The following RGS8 variants were observed in gnomAD, a reference collection of about 807,000 sequenced individuals.
RGS8 encodes the protein regulator of G-protein signaling 8.
A neutral mutation model predicts 21.7 loss-of-function variants in RGS8; 8 were observed. The observed-to-expected ratio is 0.37, with a 90% confidence interval of 0.22 to 0.66. The LOEUF (loss-of-function observed/expected upper bound fraction) is 0.66, where lower values mean the gene tolerates loss of function less well. Among genes scored for constraint, RGS8 ranks in the 30% least tolerant of loss-of-function variants. The pLI, the probability that RGS8 is intolerant of heterozygous loss-of-function variation, is 0.59. For synonymous variants in RGS8, 80 were observed against 83.6 expected, an observed-to-expected ratio of 0.96 and a Z score of 0.24; for missense variants, 157 against 217.9, an observed-to-expected ratio of 0.72 and a Z score of 1.76.
the RGS8 span, among the ~76,000 whole-genome samples, chr1:182,715,423 C>G: frequency 6.6e-6 from 1 of 152,160 alleles, no homozygotes; most frequent in Admixed American, 6.5e-5. Context: ...TTCTCAGGTC[C>G]TATAGGCCAT....
the RGS8 span, among the ~76,000 whole-genome samples, chr1:182,735,720 A>G: frequency 6.6e-6 from 1 of 152,224 alleles, no homozygotes; most frequent in Non-Finnish European, 1.5e-5. Context: ...GTTTGTGATT[A>G]TATTTTGCTC....
At chr1:182,745,640 C>T in the RGS8 span, among the ~76,000 whole-genome samples, 1 of 152,220 alleles carries the variant, frequency 6.6e-6, no homozygotes, top group African/African-American at 2.4e-5. Flanking sequence ...ACACTCTTCT[C>T]CAACAATCAT....
At chr1:182,733,580 T>A in the RGS8 span, among the ~76,000 whole-genome samples, 1 of 152,158 alleles carries the variant, frequency 6.6e-6, no homozygotes, top group African/African-American at 2.4e-5. Context: ...CTCACTCATA[T>A]CTCAAATCTG....
At chr1:182,720,934 T>C in the RGS8 span, among the ~76,000 whole-genome samples, 3 of 133,604 alleles carry the variant, frequency 2.2e-5, no homozygotes, top group Non-Finnish European at 4.7e-5. Context: ...TATACATATA[T>C]ACATATATAT....
At chr1:182,749,316 C>T in the RGS8 span, among the ~76,000 whole-genome samples, 22 of 152,262 alleles carry the variant, frequency 1.4e-4, no homozygotes, top group African/African-American at 5.3e-4. Flanking sequence ...ATGTGGATAT[C>T]CAGTCTTCCC....
At chr1:182,732,230 TTC>T in the RGS8 span, among the ~76,000 whole-genome samples, 4 of 137,018 alleles carry the variant, frequency 2.9e-5, no homozygotes, top group Admixed American at 7.1e-5. Context: ...CTCTCTCTCT[TTC>T]TCTCTCTCTC....
At chr1:182,648,114 G>A in intron 6 of RGS8, 23 bp downstream of exon 7, 1 of 1,580,348 alleles carries the variant, frequency 6.3e-7, no homozygotes, top group Non-Finnish European at 8.6e-7. Context: ...GGATAGACAG[G>A]ATGGTCGCCG....
At chr1:182,655,876 A>C (rs1663250793) in intron 5 of RGS8, among the ~76,000 whole-genome samples, 1 of 152,152 alleles carries the variant, frequency 6.6e-6, no homozygotes, top group Non-Finnish European at 1.5e-5. Context: ...CAGTTTATAT[A>C]CATTAACTCA....
the RGS8 span, among the ~76,000 whole-genome samples, chr1:182,741,067 G>T: frequency 6.6e-6 from 1 of 151,856 alleles, no homozygotes; most frequent in Non-Finnish European, 1.5e-5. Context: ...ATGAGCTGTT[G>T]GGTACACCTC....
rs201626419 is a variant in RGS8 at position 182,648,120 on chromosome 1, C to T, written c.360+17G>A. On this transcript the variant is annotated intron_variant, in intron 6 of 6. Coordinates refer to ENST00000483095, the Ensembl canonical transcript of RGS8. The stretch of plus-strand genomic sequence containing the variant: ...AGGAGCCATGGATAGACAGGATGGT[C>T]GCCGCTGCCAACACACCTCCCGTGG... 1.3e-5 allele frequency: 21 copies of T among 1,582,764 alleles called. No homozygotes were observed. The East Asian group carries it at 2.5e-4, about 19-fold the overall frequency.
At chr1:182,735,276 G>A in the RGS8 span, among the ~76,000 whole-genome samples, 3 of 152,030 alleles carry the variant, frequency 2.0e-5, no homozygotes, top group African/African-American at 7.3e-5. Context: ...TTATTAAATT[G>A]GTTATAGAGT....
chr1:182,691,680 G>C, the RGS8 span, among the ~76,000 whole-genome samples: 1 of 111,514 alleles, frequency 9.0e-6, no homozygotes, highest in Admixed American at 9.6e-5. Flanking sequence ...AAAATAATAA[G>C]AGCTATCTAT....
chr1:182,666,024 C>T (rs1014103150), exon 5 of RGS8: 59 of 1,613,532 alleles, frequency 3.7e-5, no homozygotes, highest in Middle Eastern at 1.6e-4. Context: ...CTTCTTCTGT[C>T]GATAATCTCC....
At chr1:182,693,591 AC>A in the RGS8 span, among the ~76,000 whole-genome samples, 20 of 152,364 alleles carry the variant, frequency 1.3e-4, no homozygotes, top group Admixed American at 1.3e-3. Flanking sequence ...AGACAGAATT[AC>A]CATTTGACCC....
chr1:182,692,675 CAAAAAAAAAA>C, the RGS8 span, among the ~76,000 whole-genome samples: 1 of 28,028 alleles, frequency 3.6e-5, no homozygotes, highest in Non-Finnish European at 7.0e-5. Flanking sequence ...CAATCCTAAG[CAAAAAAAAAA>C]AAAAAAAAAA....
downstream of RGS8, chr1:182,643,177 A>G (rs1662540770): frequency 6.6e-6 from 1 of 152,086 alleles, no homozygotes; most frequent in South Asian, 2.1e-4. Flanking sequence ...CTTTATCTCA[A>G]AGGAGAAAGT....
chr1:182,728,773 CTAAAG>C, the RGS8 span, among the ~76,000 whole-genome samples: 7 of 152,054 alleles, frequency 4.6e-5, no homozygotes, highest in African/African-American at 1.7e-4. Flanking sequence ...AGATAATAAC[CTAAAG>C]TAATCAGTCA....
At chr1:182,663,140 A>G (rs1663682691) in intron 5 of RGS8, among the ~76,000 whole-genome samples, 1 of 152,194 alleles carries the variant, frequency 6.6e-6, no homozygotes, top group African/African-American at 2.4e-5. Context: ...CAAGCTCCAC[A>G]AACCTCTGAT....
chr1:182,657,545 G>C (rs1355943153), intron 5 of RGS8, among the ~76,000 whole-genome samples: 6 of 149,280 alleles, frequency 4.0e-5, no homozygotes, highest in African/African-American at 7.4e-5. Flanking sequence ...AAGTCCCCCC[G>C]CCCCAGTTTC....
Sources: gnomAD v4.1 joint callset for allele counts (sites outside exome capture counted in the v4.1 genomes callset) on GRCh38, gnomAD v4.1.1 for gene constraint, MANE v1.5 for transcripts, NCBI Gene and HGNC (gene_info 2026-07-23, HGNC 2026-07-21) for gene names.